Variants in RBFOX1 observed in about 807,000 individuals in gnomAD.
RBFOX1 encodes the protein RNA binding protein fox-1 homolog 1.
Under a neutral mutation model 57.7 loss-of-function variants are expected in RBFOX1, and 8 were observed. The ratio of observed to expected loss-of-function variants is 0.14; its 90% CI spans 0.08 to 0.25. The LOEUF (loss-of-function observed/expected upper bound fraction) is 0.25. Ranked by LOEUF, RBFOX1 falls within the 10% of genes least tolerant of loss-of-function variation. The probability of loss-of-function intolerance (pLI) is 1.00; values close to 1 mark genes in which losing one functional copy is unlikely to be tolerated. For missense variants in RBFOX1, 611 were observed against 548.5 expected, an observed-to-expected ratio of 1.11 and a Z score of -1.14; for synonymous variants, 326 against 222.4, an observed-to-expected ratio of 1.47 and a Z score of -4.15.
At chr16:5,401,399 A>G (rs1259935317) in intron 1 of RBFOX1, among the ~76,000 whole-genome samples, 3 of 152,102 alleles carry the variant, frequency 2.0e-5, no homozygotes, top group Non-Finnish European at 4.4e-5. Context: ...TGGTTCAGCA[A>G]TGTCCGTGCT....
intron 3 of RBFOX1, among the ~76,000 whole-genome samples, chr16:6,689,598 C>T (rs987697952): frequency 2.0e-5 from 3 of 152,090 alleles, no homozygotes; most frequent in Admixed American, 6.6e-5. Flanking sequence ...CTACTATAAA[C>T]AATATCAAAG....
chr16:5,835,544 A>C (rs113916093), intron 3 of RBFOX1, among the ~76,000 whole-genome samples: 6 of 152,314 alleles, frequency 3.9e-5, no homozygotes, highest in Non-Finnish European at 8.8e-5. Flanking sequence ...TCTTGGATCT[A>C]CTGAATCAGC....
chr16:6,352,397 A>G (rs538721011), intron 2 of RBFOX1, among the ~76,000 whole-genome samples: 273 of 152,324 alleles, frequency 1.8e-3, no homozygotes, highest in African/African-American at 4.9e-3. Context: ...CAAATTCAGG[A>G]CAAATGACCA....
At chr16:5,732,179 C>G (rs2052399480) in intron 3 of RBFOX1, among the ~76,000 whole-genome samples, 1 of 152,184 alleles carries the variant, frequency 6.6e-6, no homozygotes, top group South Asian at 2.1e-4. Flanking sequence ...TTGGCACCTG[C>G]TGCATGGAGA....
intron 3 of RBFOX1, among the ~76,000 whole-genome samples, chr16:6,861,565 C>A (rs370949476): frequency 7.0e-6 from 1 of 142,306 alleles, no homozygotes; most frequent in Non-Finnish European, 1.5e-5. Flanking sequence ...GTGTTAGCAT[C>A]TTAGGCTCTC....
At chr16:7,674,741 G>A (rs1231439620) in intron 13 of RBFOX1, among the ~76,000 whole-genome samples, 1 of 152,178 alleles carries the variant, frequency 6.6e-6, no homozygotes. Context: ...GTACACACCT[G>A]CATTTGATGT....
chr16:7,158,786 A>G lies in RBFOX1; in HGVS notation c.27+106688A>G, dbSNP rs1477652437. 3.3e-5 allele frequency among the ~76,000 whole-genome samples: 5 copies of G among 150,968 alleles called. 1 individual carries two copies. The highest frequency in any genetic ancestry group is 6.6e-5 in the Admixed American group (1 of 15,152). On this transcript the variant is annotated intron_variant, in intron 4 of 15. Transcript: ENST00000550418. The stretch of plus-strand genomic sequence containing the variant: ...GTCTGTGAGTAGTGTGTGTGTCTGC[A>G]TGCATATGCGTTTGTGTGGTGTTTG...
intron 2 of RBFOX1, among the ~76,000 whole-genome samples, chr16:6,354,152 G>A (rs559751184): frequency 3.3e-5 from 5 of 151,994 alleles, no homozygotes; most frequent in Non-Finnish European, 7.4e-5. Context: ...CTCAGGAGGT[G>A]GATGTTGGAG....
chr16:5,744,739 G>A (rs1485311767), intron 3 of RBFOX1, among the ~76,000 whole-genome samples: 3 of 152,174 alleles, frequency 2.0e-5, no homozygotes, highest in African/African-American at 4.8e-5. Flanking sequence ...ATTAAGTGAC[G>A]TGATTGTGAA....
chr16:6,092,393 A>G (rs757185564), intron 1 of RBFOX1: 3 of 152,208 alleles, frequency 2.0e-5, no homozygotes, highest in African/African-American at 7.2e-5. Context: ...TGTTAATTCT[A>G]TGTCTCCTAC....
rs935720054 is a variant in RBFOX1, at chr16:7,664,765, C to A, written c.891-164C>A. On this transcript the variant is annotated intron_variant, in intron 12 of 15. Transcript: ENST00000550418. ...CCCGGCCTAATTTTCTCGGTTTGCT[C>A]AACTGCCGTTGTCTCCAACCTCCTT... 7.8e-6 allele frequency: 10 copies of A among 1,275,312 alleles called. No homozygotes were observed. In the African/African-American group the frequency reaches 1.0e-4, roughly 13 times the overall value. 79.0% of individuals were successfully genotyped at this position (1,275,312 alleles called of 1,614,324 possible).
At chr16:7,107,110 G>C (rs2063755044) in intron 4 of RBFOX1, among the ~76,000 whole-genome samples, 1 of 152,066 alleles carries the variant, frequency 6.6e-6, no homozygotes, top group African/African-American at 2.4e-5. Flanking sequence ...AAGTTGGGAG[G>C]ACCAACTATG....
At chr16:6,771,459 A>G in intron 3 of RBFOX1, among the ~76,000 whole-genome samples, 1 of 152,088 alleles carries the variant, frequency 6.6e-6, no homozygotes, top group East Asian at 1.9e-4. Context: ...CTTAGATATG[A>G]TCCAGATAGC....
chr16:7,488,724 A>G (rs930016800), intron 4 of RBFOX1, among the ~76,000 whole-genome samples: 6 of 152,098 alleles, frequency 3.9e-5, no homozygotes, highest in Middle Eastern at 3.2e-3. Context: ...CTATACATTC[A>G]TCTATTATCC....
chr16:5,600,614 C>G (rs1178022632), downstream of RBFOX1, among the ~76,000 whole-genome samples: 2 of 151,882 alleles, frequency 1.3e-5, no homozygotes, highest in East Asian at 3.9e-4. Flanking sequence ...ACTGGAATCT[C>G]TAAGGGCCCA....
chr16:6,143,171 C>G (rs2096731945), intron 1 of RBFOX1, among the ~76,000 whole-genome samples: 1 of 152,186 alleles, frequency 6.6e-6, no homozygotes, highest in Admixed American at 6.5e-5. Flanking sequence ...TTTTTGTTTA[C>G]AAATGCTCTT....
At chr16:7,510,118 A>G in intron 4 of RBFOX1, 1 of 985,740 alleles carries the variant, frequency 1.0e-6, no homozygotes, top group Non-Finnish European at 1.2e-6. Flanking sequence ...TTTTGGGAGC[A>G]GTCAGATGTT....
chr16:5,744,080 T>A (rs930334921), intron 3 of RBFOX1, among the ~76,000 whole-genome samples: 2 of 152,184 alleles, frequency 1.3e-5, no homozygotes, highest in African/African-American at 4.8e-5. Flanking sequence ...TGCTTTCATA[T>A]AAATTTTCAA....
chr16:6,813,653 C>A (rs144121467), intron 3 of RBFOX1, among the ~76,000 whole-genome samples: 6 of 152,276 alleles, frequency 3.9e-5, no homozygotes, highest in African/African-American at 9.6e-5. Context: ...GGATGCAATT[C>A]CTTTTCATTT....
Sources: allele counts gnomAD v4.1 joint callset (sites outside exome capture counted in the v4.1 genomes callset), GRCh38; gene constraint gnomAD v4.1.1; transcripts MANE v1.5; gene names NCBI Gene and HGNC (gene_info 2026-07-23, HGNC 2026-07-21).